CHRDL1: variants seen among roughly 807,000 people sequenced by gnomAD.
The protein encoded by CHRDL1 is chordin like 1.
In CHRDL1, 19 loss-of-function variants were observed where a neutral mutation model predicts 40.9. The observed-to-expected ratio is 0.46, with a 90% confidence interval of 0.32 to 0.68. The LOEUF (loss-of-function observed/expected upper bound fraction) is 0.68, where lower values mean the gene tolerates loss of function less well. Ranked by LOEUF, CHRDL1 falls within the 30% of genes least tolerant of loss-of-function variation. The probability of loss-of-function intolerance (pLI) is 0.03; values close to 1 mark genes in which losing one functional copy is unlikely to be tolerated. For missense variants in CHRDL1, 329 were observed against 352.1 expected (o/e 0.93, Z 0.53); for synonymous variants, 136 against 123.4 (o/e 1.10, Z -0.68).
intron 4 of CHRDL1, among the ~76,000 whole-genome samples, chrX:110,736,002 G>A (rs1287856469): frequency 8.9e-6 from 1 of 112,116 alleles, no homozygotes; most frequent in Non-Finnish European, 1.9e-5. Flanking sequence ...ATTTTGTTTG[G>A]AAAACTGTTA....
chrX:110,720,614 C>T (rs2070933420), intron 5 of CHRDL1, among the ~76,000 whole-genome samples: 1 of 111,753 alleles, frequency 8.9e-6, no homozygotes, highest in Non-Finnish European at 1.9e-5. Context: ...TTCTCCTAAA[C>T]TACTGAGATA....
intron 4 of CHRDL1, among the ~76,000 whole-genome samples, chrX:110,726,647 C>T (rs182500122): frequency 1.6e-3 from 178 of 111,687 alleles, no homozygotes; most frequent in Admixed American, 4.7e-3. Context: ...TGAGGTTCAG[C>T]GATAATTAAT....
At chrX:110,708,004 A>C (rs1263329036) in intron 6 of CHRDL1, among the ~76,000 whole-genome samples, 2 of 112,084 alleles carry the variant, frequency 1.8e-5, no homozygotes, top group African/African-American at 6.5e-5. Flanking sequence ...GACACTTCTC[A>C]AAAGAAGACA....
chrX:110,689,438 A>ATC (rs1266525564), intron 8 of CHRDL1, among the ~76,000 whole-genome samples: 14 of 61,632 alleles, frequency 2.3e-4, no homozygotes, highest in Non-Finnish European at 2.4e-5. Context: ...ATATCTATAT[A>ATC]TCTATATATA....
intron 6 of CHRDL1, among the ~76,000 whole-genome samples, chrX:110,719,107 C>T (rs1369703181): frequency 1.8e-5 from 2 of 110,762 alleles, no homozygotes; most frequent in African/African-American, 6.6e-5. Context: ...AATATGTTGA[C>T]TGGATAGAAG....
chrX:110,740,890 C>T (rs757971504), intron 4 of CHRDL1, among the ~76,000 whole-genome samples: 19 of 112,404 alleles, frequency 1.7e-4, no homozygotes, highest in African/African-American at 4.8e-4. Flanking sequence ...GGAACATATT[C>T]ATGCCCATTT....
chrX:110,780,980 G>A (rs2089932292), intron 2 of CHRDL1, among the ~76,000 whole-genome samples: 1 of 111,349 alleles, frequency 9.0e-6, no homozygotes, highest in Admixed American at 9.6e-5. Context: ...CAGAATGTTA[G>A]TGTTTTTCAG....
intron 7 of CHRDL1, among the ~76,000 whole-genome samples, chrX:110,698,268 GAAGAGTTTA>G (rs1232677516): frequency 1.6e-4 from 18 of 111,022 alleles, no homozygotes; most frequent in Non-Finnish European, 1.9e-5. Context: ...CAACAAATTT[GAAGAGTTTA>G]TCTCTGATTT....
At chrX:110,781,970 AG>A (rs761546439) in intron 2 of CHRDL1, among the ~76,000 whole-genome samples, 4 of 111,978 alleles carry the variant, frequency 3.6e-5, no homozygotes, top group Non-Finnish European at 5.6e-5. Flanking sequence ...TTCAGCCAAT[AG>A]ATTACATTTT....
chrX:110,758,252 GAAGC>G (rs775053121), intron 4 of CHRDL1, among the ~76,000 whole-genome samples: 6 of 74,707 alleles, frequency 8.0e-5, no homozygotes, highest in Non-Finnish European at 1.4e-4. Context: ...TTAGGAAGAA[GAAGC>G]AAATAAACAC....
intron 4 of CHRDL1, among the ~76,000 whole-genome samples, chrX:110,747,301 G>A (rs1471562159): frequency 3.7e-5 from 4 of 108,933 alleles, no homozygotes; most frequent in Non-Finnish European, 7.6e-5. Flanking sequence ...AATTCCAAGA[G>A]CCCACTTAGA....
intron 8 of CHRDL1, among the ~76,000 whole-genome samples, chrX:110,691,414 T>C (rs922653395): frequency 2.7e-5 from 3 of 110,347 alleles, no homozygotes; most frequent in African/African-American, 9.9e-5. Flanking sequence ...TATCTCCCTT[T>C]TTGAGAGTGC....
intron 7 of CHRDL1, among the ~76,000 whole-genome samples, chrX:110,698,977 T>C (rs2070457037): frequency 8.9e-6 from 1 of 112,068 alleles, no homozygotes; most frequent in Non-Finnish European, 1.9e-5. Context: ...TGACATCATC[T>C]CCTGTCAGGC....
At chrX:110,733,412 A>G (rs1285323817) in intron 4 of CHRDL1, among the ~76,000 whole-genome samples, 2 of 110,238 alleles carry the variant, frequency 1.8e-5, no homozygotes, top group Non-Finnish European at 3.8e-5. Flanking sequence ...CCCACAGACT[A>G]CTCTTTGCTT....
intron 2 of CHRDL1, among the ~76,000 whole-genome samples, chrX:110,766,236 A>G (rs197052): frequency 0.058 from 6,454 of 111,117 alleles, 483 homozygotes; most frequent in African/African-American, 0.2. Context: ...AAACACCTAC[A>G]TCGAAAAGTC....
intron 4 of CHRDL1, among the ~76,000 whole-genome samples, chrX:110,750,265 A>G (rs1014256965): frequency 2.7e-5 from 3 of 112,290 alleles, no homozygotes; most frequent in African/African-American, 9.7e-5. Context: ...CTAAATTTAA[A>G]AGATTAAGCT....
At chrX:110,743,538 G>A (rs1261209961) in intron 4 of CHRDL1, among the ~76,000 whole-genome samples, 1 of 112,070 alleles carries the variant, frequency 8.9e-6, no homozygotes, top group Non-Finnish European at 1.9e-5. Context: ...ATGAGGTATT[G>A]TATGCAAAGT....
At chrX:110,726,920 T>C (rs2071068716) in intron 4 of CHRDL1, among the ~76,000 whole-genome samples, 1 of 112,164 alleles carries the variant, frequency 8.9e-6, no homozygotes, top group Non-Finnish European at 1.9e-5. Flanking sequence ...TCTTTGACTA[T>C]ACCTGGCACT....
intron 4 of CHRDL1, among the ~76,000 whole-genome samples, chrX:110,728,108 A>C (rs1015686957): frequency 9.0e-6 from 1 of 110,669 alleles, no homozygotes; most frequent in Non-Finnish European, 1.9e-5. Flanking sequence ...TAAATGAAAA[A>C]ATATTTTTAA....
Sources: gnomAD v4.1 joint callset for allele counts (sites outside exome capture counted in the v4.1 genomes callset) on GRCh38, gnomAD v4.1.1 for gene constraint, MANE v1.5 for transcripts, NCBI Gene and HGNC (gene_info 2026-07-23, HGNC 2026-07-21) for gene names.